Variants in SMYD3 observed in about 807,000 individuals in gnomAD.
SMYD3 encodes histone-lysine N-methyltransferase SMYD3.
A neutral mutation model predicts 57.7 loss-of-function variants in SMYD3; 36 were observed. The ratio of observed to expected loss-of-function variants is 0.62; its 90% CI spans 0.48 to 0.82. The LOEUF (loss-of-function observed/expected upper bound fraction) is 0.82. Among genes scored for constraint, SMYD3 ranks in the 40% least tolerant of loss-of-function variants. The pLI is 0.00. For missense variants in SMYD3, 515 were observed against 538.8 expected, an observed-to-expected ratio of 0.96 and a Z score of 0.44; for synonymous variants, 211 against 195.0, an observed-to-expected ratio of 1.08 and a Z score of -0.68.
chr1:246,240,144 T>C (rs1276146080), intron 5 of SMYD3, among the ~76,000 whole-genome samples: 1 of 152,204 alleles, frequency 6.6e-6, no homozygotes, highest in Non-Finnish European at 1.5e-5. Context: ...CTTTTGCTGT[T>C]TTAGTCATGA....
chr1:245,825,914 A>G (rs1411595812), intron 10 of SMYD3, among the ~76,000 whole-genome samples: 3 of 146,036 alleles, frequency 2.1e-5, no homozygotes, highest in Admixed American at 1.4e-4. Context: ...CTCTACGAAA[A>G]CTCCACGTCA....
chr1:246,186,818 G>A, intron 5 of SMYD3: 1 of 985,448 alleles, frequency 1.0e-6, no homozygotes, highest in Non-Finnish European at 1.2e-6. Context: ...ATCACATTCC[G>A]GTCTTCTGCT....
chr1:246,201,376 TG>T (rs2062921353), intron 5 of SMYD3, among the ~76,000 whole-genome samples: 1 of 152,074 alleles, frequency 6.6e-6, no homozygotes, highest in African/African-American at 2.4e-5. Context: ...ATGCAGAAAA[TG>T]GGTGTTCATC....
At chr1:245,900,281 CCTCTT>C (rs1176075870) in intron 8 of SMYD3, among the ~76,000 whole-genome samples, 1 of 152,150 alleles carries the variant, frequency 6.6e-6, no homozygotes, top group Non-Finnish European at 1.5e-5. Flanking sequence ...CAGTTCCTAG[CCTCTT>C]CTATAGCTAA....
At chr1:245,987,971 G>T (rs1413170432) in intron 5 of SMYD3, among the ~76,000 whole-genome samples, 1 of 152,218 alleles carries the variant, frequency 6.6e-6, no homozygotes, top group Non-Finnish European at 1.5e-5. Context: ...CTGGCATGGA[G>T]GCCAGAAAAC....
chr1:246,442,229 A>G (rs1162455573), intron 1 of SMYD3, among the ~76,000 whole-genome samples: 1 of 152,236 alleles, frequency 6.6e-6, no homozygotes, highest in Non-Finnish European at 1.5e-5. Context: ...CACAGGCACA[A>G]AAACAATAAA....
At chr1:245,933,649 G>A (rs977705901) in intron 5 of SMYD3, among the ~76,000 whole-genome samples, 6 of 152,130 alleles carry the variant, frequency 3.9e-5, no homozygotes, top group African/African-American at 1.4e-4. Flanking sequence ...CCTGAGGTTA[G>A]CAATTCCCCG....
intron 5 of SMYD3, among the ~76,000 whole-genome samples, chr1:246,317,648 G>C (rs1325094386): frequency 6.6e-6 from 1 of 152,180 alleles, no homozygotes; most frequent in African/African-American, 2.4e-5. Flanking sequence ...GCCACGATAA[G>C]CATGTGAGGT....
At chr1:245,853,434 G>A (rs975670008) in intron 10 of SMYD3, among the ~76,000 whole-genome samples, 8 of 152,172 alleles carry the variant, frequency 5.3e-5, no homozygotes, top group African/African-American at 1.4e-4. Context: ...CATCGAACGC[G>A]CGCTCAGGTC....
chr1:246,091,877 C>T (rs1205583991), intron 5 of SMYD3, among the ~76,000 whole-genome samples: 1 of 152,156 alleles, frequency 6.6e-6, no homozygotes, highest in Admixed American at 6.5e-5. Flanking sequence ...TACCTATAGC[C>T]TTTCTATTGG....
intron 5 of SMYD3, among the ~76,000 whole-genome samples, chr1:246,183,440 C>T (rs147448372): frequency 8.6e-5 from 13 of 151,414 alleles, no homozygotes; most frequent in Admixed American, 6.6e-4. Context: ...AAACAATGTC[C>T]AAGCTACATC....
At chr1:245,817,528 C>T (rs924162371) in intron 10 of SMYD3, among the ~76,000 whole-genome samples, 298 of 152,080 alleles carry the variant, frequency 2.0e-3, no homozygotes, top group African/African-American at 5.8e-3. Flanking sequence ...TCACCAGCAA[C>T]GGAACAAAGC....
At position 246,507,264 on chromosome 1, in the gene SMYD3, G is replaced by C. The variant is rs1281500087; in HGVS notation, c.-47C>G. ...CAGACGGCTACCCGCGTCCAGCAGC[G>C]GGCGTCTCACGGGCTGCCGGGACCC... On this transcript the variant is annotated 5_prime_UTR_variant, in exon 1 of 12. Transcript: ENST00000490107. 4.8e-6 allele frequency: 7 copies of C among 1,451,364 alleles called. No homozygotes were observed. The highest frequency in any genetic ancestry group is 1.4e-5 in the South Asian group (1 of 72,288). The allele number at this position is 1,451,364 out of a possible 1,614,324, so 89.9% of individuals were successfully genotyped here. A position where few individuals can be genotyped will look rare whatever the true frequency, so the allele number is the denominator to read the frequency against.
At chr1:246,239,191 G>T (rs891559668) in intron 5 of SMYD3, among the ~76,000 whole-genome samples, 3 of 152,128 alleles carry the variant, frequency 2.0e-5, no homozygotes, top group Non-Finnish European at 4.4e-5. Context: ...TTGGTGTGCT[G>T]CACCCATTAA....
intron 5 of SMYD3, among the ~76,000 whole-genome samples, chr1:246,230,210 A>T (rs1179974515): frequency 6.6e-6 from 1 of 152,188 alleles, no homozygotes; most frequent in Non-Finnish European, 1.5e-5. Context: ...AATGCTCCAC[A>T]TGTTTACAAT....
At chr1:246,501,286 G>A (rs1177431153) in intron 1 of SMYD3, among the ~76,000 whole-genome samples, 1 of 152,134 alleles carries the variant, frequency 6.6e-6, no homozygotes, top group African/African-American at 2.4e-5. Context: ...TAAACCTTGG[G>A]TTATTTTAGC....
At chr1:245,773,600 C>T (rs532035795) in intron 10 of SMYD3, among the ~76,000 whole-genome samples, 2 of 152,318 alleles carry the variant, frequency 1.3e-5, no homozygotes, top group African/African-American at 4.8e-5. Flanking sequence ...AAACAGTTTC[C>T]TCTTGAAGAC....
chr1:245,938,147 C>G (rs915493448), intron 5 of SMYD3, among the ~76,000 whole-genome samples: 1 of 152,216 alleles, frequency 6.6e-6, no homozygotes, highest in African/African-American at 2.4e-5. Context: ...TTTTGGCAGG[C>G]AAGGGTTTGC....
chr1:246,411,283 T>G (rs930248152), intron 1 of SMYD3, among the ~76,000 whole-genome samples: 40 of 152,270 alleles, frequency 2.6e-4, no homozygotes, highest in South Asian at 1.0e-3. Context: ...AGATACCATC[T>G]CACACCAGTT....
Sources: allele counts gnomAD v4.1 joint callset (sites outside exome capture counted in the v4.1 genomes callset), GRCh38; gene constraint gnomAD v4.1.1; transcripts MANE v1.5; gene names NCBI Gene and HGNC (gene_info 2026-07-23, HGNC 2026-07-21).